PCDH12: variants seen among roughly 807,000 people sequenced by gnomAD.
PCDH12 encodes protocadherin-12.
Under a neutral mutation model 70.9 loss-of-function variants are expected in PCDH12, and 45 were observed. The ratio of observed to expected loss-of-function variants is 0.63; its 90% CI spans 0.50 to 0.81. The LOEUF is 0.81. PCDH12 is among the 40% of genes least tolerant of loss of function. The pLI is 0.00. For synonymous variants in PCDH12, 567 were observed against 626.0 expected, an observed-to-expected ratio of 0.91 and a Z score of 1.41; for missense variants, 1,370 against 1,491.7, an observed-to-expected ratio of 0.92 and a Z score of 1.34.
Position 141,956,934 on chromosome 5 carries a change from C to T in PCDH12, c.918G>A (p.Leu306=), listed in dbSNP as rs1753194889. 1 of 1,614,034 alleles carries T rather than the reference C, an allele frequency of 6.2e-7. No individual in the cohort carries two copies. Among genetic ancestry groups the T allele is most frequent in the Non-Finnish European group, 8.5e-7 (1 of 1,180,020 alleles). The change falls in exon 1 of 4, where the codon CTG becomes CTA. Residue 306 remains leucine (L), a synonymous_variant. Transcript: ENST00000231484. ...TCTTTTCATAGTCTAGAGGTCGACG[C>T]AGAATGACCTGGCCTGTCTTGGCAT... The part of the protein sequence containing the change: ...SIDAKTGQVI[L]RRPLDYEKNP...
At chr5:141,954,502 G>A (rs779373264) in intron 1 of PCDH12, among the ~76,000 whole-genome samples, 2 of 152,214 alleles carry the variant, frequency 1.3e-5, no homozygotes, top group Non-Finnish European at 2.9e-5. Flanking sequence ...AAACTTAGAA[G>A]ATGGGTGGTG....
In PCDH12 at chr5:141,957,877, A is replaced by G; in HGVS notation, c.-26T>C. 1.3e-6 allele frequency: 2 copies of G among 1,581,570 alleles called. No homozygotes were observed. Among genetic ancestry groups the G allele is most frequent in the Non-Finnish European group, 1.7e-6 (2 of 1,169,988 alleles). On this transcript the variant is annotated 5_prime_UTR_variant, in exon 1 of 4. Coordinates refer to ENST00000231484, the MANE Select transcript of PCDH12 (RefSeq NM_016580.4). The surrounding 1 kb of genome is among the most constrained non-coding windows in gnomAD (Gnocchi z 4.3). ...GCTTACCGCCAAGTGGGCTAGATTC[A>G]GAAACCACTAGAGTTCTTTCAAGGC...
chr5:141,948,100 T>G (rs1752985377), intron 3 of PCDH12, among the ~76,000 whole-genome samples: 1 of 152,228 alleles, frequency 6.6e-6, no homozygotes, highest in Admixed American at 6.5e-5. Flanking sequence ...AGTGACTACC[T>G]CATTGAACAA....
chr5:141,949,607 A>C (rs1209084264), intron 2 of PCDH12, 24 bp from the exon 3 acceptor site: 2 of 1,610,254 alleles, frequency 1.2e-6, no homozygotes, highest in East Asian at 2.2e-5. Flanking sequence ...CAACCAGTCC[A>C]TGGGTAGGGA....
At chr5:141,953,647 G>A (rs1402394448) in intron 1 of PCDH12, among the ~76,000 whole-genome samples, 1 of 152,220 alleles carries the variant, frequency 6.6e-6, no homozygotes. Context: ...ATTCTCTGTT[G>A]TCCTGTCTAC....
intron 2 of PCDH12, among the ~76,000 whole-genome samples, chr5:141,950,950 G>C (rs1753069044): frequency 6.6e-6 from 1 of 152,190 alleles, no homozygotes; most frequent in Non-Finnish European, 1.5e-5. Context: ...CCAAGGTCCT[G>C]AGAGATTATC....
rs749112554 is a variant in PCDH12 at position 141,957,671 on chromosome 5, G to T, written c.181C>A (p.Gln61Lys). 2 of 1,614,200 alleles carry T rather than the reference G, an allele frequency of 1.2e-6. No homozygotes were observed. Among genetic ancestry groups the T allele is most frequent in the South Asian group, 1.1e-5 (1 of 91,080 alleles). ...QELGREERRR[Q>K]AGAAFQVLQL... ...AACACCTGGAAGGCAGCCCCAGCTT[G>T]CCTCCGCCTCTCCTCCCGGCCCAGT... The change falls in exon 1 of 4, where the codon CAA (glutamine) becomes AAA (lysine). Residue 61 changes from glutamine to lysine, a missense_variant. Gln to Lys is a moderately conservative substitution (Grantham distance 53, BLOSUM62 1). Transcript: ENST00000231484. The surrounding 1 kb of genome is among the most constrained non-coding windows in gnomAD (Gnocchi z 4.3).
rs533737041 is a variant in PCDH12, at chr5:141,955,226, G to A, written c.2626C>T (p.Arg876Cys). 1.5e-5 allele frequency: 24 copies of A among 1,614,118 alleles called. No homozygotes were observed. The highest frequency in any genetic ancestry group is 5.0e-5 in the Admixed American group (3 of 60,010). Residue 876 changes from arginine (R) to cysteine (C), a missense_variant, in exon 1 of 4, where the codon CGT becomes TGT. Transcript: ENST00000231484. This position sits in a 1 kb window ranked among gnomAD's most constrained non-coding sequence, Gnocchi z 5.5. The stretch of plus-strand genomic sequence containing the variant: ...CCTGCAACCTTCAGAGGCCTGGAAC[G>A]TGGCTGGCCTGTGGCAGGCTGGGGC... ...PEPQPATGQP[R>C]SRPLKVAGSP... is the part of the protein sequence containing the mutation.
chr5:141,951,784 T>G lies in PCDH12; in HGVS notation c.2881-194A>C, dbSNP rs546242406. Among the ~76,000 whole-genome samples the G allele has an allele frequency of 4.7e-4, 71 of 152,346 alleles. 1 individual carries two copies. In the South Asian group the frequency reaches 0.013, roughly 28 times the overall value. ...GGCGGGCAGGTCCCCTGCTCTGTCA[T>G]GTCACCCCAGGACCTGAGTGTCTGA... On this transcript the variant is annotated intron_variant, in intron 1 of 3. Coordinates refer to ENST00000231484, the MANE Select transcript of PCDH12 (RefSeq NM_016580.4).
rs1378174359 is a variant in PCDH12 at position 141,955,373 on chromosome 5, G to A, written c.2479C>T (p.Arg827Cys). The change falls in exon 1 of 4, where the codon CGT becomes TGT. Residue 827 changes from arginine to cysteine, a missense_variant. Transcript: ENST00000231484. The surrounding 1 kb of genome is among the most constrained non-coding windows in gnomAD (Gnocchi z 5.5). ...HLTPTLYRTL[R>C]NQGNQGAPAE... ...GGTGCTCCCTGGTTGCCTTGATTAC[G>A]CAGCGTCCTGTACAGGGTCGGGGTG... 11 of 1,613,876 alleles carry A rather than the reference G, an allele frequency of 6.8e-6. No homozygotes were observed. Among genetic ancestry groups the A allele is most frequent in the Admixed American group, 1.7e-5 (1 of 60,000 alleles).
intron 2 of PCDH12, among the ~76,000 whole-genome samples, chr5:141,950,473 A>G (rs568278374): frequency 1.3e-5 from 2 of 152,330 alleles, no homozygotes; most frequent in East Asian, 3.9e-4. Flanking sequence ...TGCAAGGTCC[A>G]TGCACCGTCT....
At chr5:141,953,118 G>A (rs1753117501) in intron 1 of PCDH12, 1 of 152,236 alleles carries the variant, frequency 6.6e-6, no homozygotes, top group Non-Finnish European at 1.5e-5. Context: ...TACATGCCAA[G>A]CCCTATGCTG....
chr5:141,951,969 T>C lies in PCDH12; in HGVS notation c.2881-379A>G, dbSNP rs77961499. On this transcript the variant is annotated intron_variant, in intron 1 of 3. Coordinates refer to ENST00000231484, the MANE Select transcript of PCDH12 (RefSeq NM_016580.4). ...TATCTTAAAGAGTTATGTTCCCCTTTAGCAGTATTTGGACATTCGGCCAAT... is the reference window on the plus strand; with the variant it reads ...TATCTTAAAGAGTTATGTTCCCCTTCAGCAGTATTTGGACATTCGGCCAAT... Among the ~76,000 whole-genome samples, 84 of 152,398 alleles carry C rather than the reference T, an allele frequency of 5.5e-4. No individual in the cohort carries two copies. In the East Asian group the frequency reaches 0.016, roughly 28 times the overall value.
In PCDH12 at chr5:141,957,096, T is replaced by G. The variant is rs774041854; in HGVS notation, c.756A>C (p.Glu252Asp). Residue 252 changes from glutamate (E) to aspartate (D), a missense_variant, in exon 1 of 4, where the codon GAA (glutamate) becomes GAC (aspartate). Physicochemically the swap from Glu to Asp is conservative, Grantham distance 45. Transcript: ENST00000231484. This position sits in a 1 kb window ranked among gnomAD's most constrained non-coding sequence, Gnocchi z 4.3. ...TACCAGGTGCAGCATCTTCTTGGAT[T>G]TCCAGTGCCAGTGAACTCTCAGCAA... is the stretch of plus-strand genomic sequence containing the variant. ...PAFAESSLALEIQEDAAPGTL... is the reference protein window; with the variant it reads ...PAFAESSLALDIQEDAAPGTL... The G allele has an allele frequency of 2.5e-5, 40 of 1,613,996 alleles. No homozygotes were observed. In the East Asian group the frequency reaches 8.9e-4, roughly 36 times the overall value.
chr5:141,945,372 G>C lies in PCDH12; in HGVS notation c.*9C>G, dbSNP rs2126914412. ...CTGGTTCTTGGATCCAGAGGCGTCT[G>C]AGGTATGTTCACAGGCACCTGCTGC... On this transcript the variant is annotated 3_prime_UTR_variant, in exon 4 of 4. Coordinates refer to ENST00000231484, the MANE Select transcript of PCDH12 (RefSeq NM_016580.4). 1 of 1,539,460 alleles carries C rather than the reference G, an allele frequency of 6.5e-7. No individual in the cohort carries two copies. The highest frequency in any genetic ancestry group is 2.3e-5 in the East Asian group (1 of 44,176).
chr5:141,957,248 G>T lies in PCDH12; in HGVS notation c.604C>A (p.Leu202Met). 6.2e-7 allele frequency: 1 copy of T among 1,614,150 alleles called. No homozygotes were observed. The highest frequency in any genetic ancestry group is 2.2e-5 in the East Asian group (1 of 44,876). ...AAAAATGAATGGATTTCCCTGTCCA[G>T]CTCCTTCACCACTATGAGTTCTGCA... ...KHAELIVVKE[L>M]DREIHSFFDL... Residue 202 changes from leucine to methionine, a missense_variant, in exon 1 of 4, where the codon CTG becomes ATG. Physicochemically the swap from Leu to Met is conservative, Grantham distance 15. Coordinates refer to ENST00000231484, the MANE Select transcript of PCDH12 (RefSeq NM_016580.4). The surrounding 1 kb of genome is among the most constrained non-coding windows in gnomAD (Gnocchi z 4.3).
At chr5:141,954,706 C>G (rs1397938540) in intron 1 of PCDH12, among the ~76,000 whole-genome samples, 1 of 152,160 alleles carries the variant, frequency 6.6e-6, no homozygotes, top group East Asian at 1.9e-4. Flanking sequence ...CTGGACAACT[C>G]TACAAGGTAG....
Position 141,956,163 on chromosome 5 carries a change from TG to T in PCDH12, c.1688del (p.Pro563GlnfsTer19), listed in dbSNP as rs772105118. ...CGCTGAGCACAGGCTGGACCACCTC[TG>T]GGGCATTATCATTGGCATCCAAGAG... is the stretch of plus-strand genomic sequence containing the variant. ...VSLLDANDNA[P>X]EVVQPVLSDG... On this transcript the variant is annotated frameshift_variant, in exon 1 of 4. Coordinates refer to ENST00000231484, the MANE Select transcript of PCDH12 (RefSeq NM_016580.4). LOFTEE classifies it high-confidence loss of function. The T allele has an allele frequency of 6.2e-7, 1 of 1,614,182 alleles. No individual in the cohort carries two copies. The highest frequency in any genetic ancestry group is 8.5e-7 in the Non-Finnish European group (1 of 1,180,038).
At position 141,944,336 on chromosome 5, in the gene PCDH12, C is replaced by G. The variant is rs1752850561; in HGVS notation, c.*1045G>C. The stretch of plus-strand genomic sequence containing the variant: ...AGAACGGGTCTGCATCAGTTCAGAT[C>G]CAAGTTCCTTTTGCCTTGTGCTTGG... On this transcript the variant is annotated 3_prime_UTR_variant, in exon 4 of 4. Transcript: ENST00000231484. The G allele has an allele frequency of 6.6e-6, 1 of 152,256 alleles. No individual in the cohort carries two copies. The highest frequency in any genetic ancestry group is 2.4e-5 in the African/African-American group (1 of 41,464). 9.4% of individuals were successfully genotyped at this position (152,256 alleles called of 1,614,324 possible).
Sources: allele counts gnomAD v4.1 joint callset (sites outside exome capture counted in the v4.1 genomes callset), GRCh38; gene constraint gnomAD v4.1.1; non-coding constraint Gnocchi (gnomAD v3.1); transcripts MANE v1.5; gene names NCBI Gene and HGNC (gene_info 2026-07-23, HGNC 2026-07-21).